CCDC192: variants seen among roughly 807,000 people sequenced by gnomAD.
The protein encoded by CCDC192 is coiled-coil domain-containing protein 192.
chr5:127,844,175 T>C lies in CCDC192; in HGVS notation c.412-31363T>C, dbSNP rs188686645. ...GGCATCTCATAAGACAGGAAAAATC[T>C]TGCAAGCCATCAGTAATTGAATATG... On this transcript the variant is annotated intron_variant, in intron 5 of 6. Coordinates refer to ENST00000514853, the MANE Select transcript of CCDC192 (RefSeq NM_001317938.2). Among the ~76,000 whole-genome samples the C allele has an allele frequency of 2.0e-5, 3 of 152,362 alleles. No homozygotes were observed. The East Asian group carries it at 5.8e-4, about 29-fold the overall frequency.
intron 6 of CCDC192, among the ~76,000 whole-genome samples, chr5:127,929,025 A>G (rs1025155392): frequency 3.3e-5 from 5 of 152,066 alleles, no homozygotes; most frequent in Non-Finnish European, 7.4e-5. Flanking sequence ...TCAGCCTCCC[A>G]AAGTGTTGGG....
At chr5:127,798,863 C>A (rs1034287259) in intron 5 of CCDC192, among the ~76,000 whole-genome samples, 1 of 152,014 alleles carries the variant, frequency 6.6e-6, no homozygotes, top group African/African-American at 2.4e-5. Flanking sequence ...CCATGAATTT[C>A]TATGGCAAAT....
chr5:127,830,774 A>C (rs942921679), intron 5 of CCDC192, among the ~76,000 whole-genome samples: 2 of 152,098 alleles, frequency 1.3e-5, no homozygotes, highest in African/African-American at 2.4e-5. Flanking sequence ...AAAAAAAAAA[A>C]AACAGGAAAG....
At chr5:127,712,504 C>A (rs1751395201) in intron 2 of CCDC192, among the ~76,000 whole-genome samples, 2 of 152,214 alleles carry the variant, frequency 1.3e-5, no homozygotes, top group South Asian at 4.1e-4. Context: ...TGGAAGCAGT[C>A]TGAGATCCTC....
At chr5:127,816,087 T>TA (rs1232599992) in intron 5 of CCDC192, among the ~76,000 whole-genome samples, 1 of 152,118 alleles carries the variant, frequency 6.6e-6, no homozygotes, top group Admixed American at 6.5e-5. Flanking sequence ...TAATATGTGT[T>TA]AGAGAAAAGT....
chr5:127,863,087 G>C (rs1751440141), intron 5 of CCDC192, among the ~76,000 whole-genome samples: 1 of 152,032 alleles, frequency 6.6e-6, no homozygotes, highest in Non-Finnish European at 1.5e-5. Flanking sequence ...GTGCCTCTTT[G>C]GCAACAAAAA....
At chr5:127,810,589 G>A (rs367708138) in intron 5 of CCDC192, among the ~76,000 whole-genome samples, 4 of 151,918 alleles carry the variant, frequency 2.6e-5, no homozygotes, top group African/African-American at 7.3e-5. Flanking sequence ...TCTTTCTGAT[G>A]GTCAAAATAA....
intron 2 of CCDC192, among the ~76,000 whole-genome samples, chr5:127,750,189 C>G (rs1754056290): frequency 9.2e-5 from 14 of 152,066 alleles, no homozygotes. Flanking sequence ...TTTTCTAGTT[C>G]TTTTAATTGT....
chr5:127,926,552 A>C (rs1299525913), intron 6 of CCDC192, among the ~76,000 whole-genome samples: 1 of 152,204 alleles, frequency 6.6e-6, no homozygotes, highest in Non-Finnish European at 1.5e-5. Context: ...GACAAACTTA[A>C]AAGGTATTTA....
intron 3 of CCDC192, among the ~76,000 whole-genome samples, chr5:127,771,845 G>A (rs117729538): frequency 2.0e-5 from 3 of 152,180 alleles, no homozygotes; most frequent in Non-Finnish European, 2.9e-5. Context: ...GGTGAATACA[G>A]CAGGGTTTTA....
At chr5:127,811,787 G>T (rs1296129582) in intron 5 of CCDC192, among the ~76,000 whole-genome samples, 1 of 152,092 alleles carries the variant, frequency 6.6e-6, no homozygotes, top group Admixed American at 6.6e-5. Context: ...ATACGTGATA[G>T]AGTCATTGGC....
At chr5:127,835,272 G>A (rs1749984156) in intron 5 of CCDC192, among the ~76,000 whole-genome samples, 1 of 152,122 alleles carries the variant, frequency 6.6e-6, no homozygotes, top group Non-Finnish European at 1.5e-5. Context: ...TTACACATCA[G>A]GAAACACTCC....
chr5:127,866,446 A>G (rs1037455622), intron 5 of CCDC192, among the ~76,000 whole-genome samples: 2 of 148,768 alleles, frequency 1.3e-5, no homozygotes, highest in African/African-American at 5.0e-5. Context: ...TGCCTCTACA[A>G]AACCATTTTT....
chr5:127,847,556 A>T (rs1242098934), intron 5 of CCDC192, among the ~76,000 whole-genome samples: 1 of 152,194 alleles, frequency 6.6e-6, no homozygotes, highest in African/African-American at 2.4e-5. Context: ...AAATAGCTAT[A>T]TGTCATTTTG....
chr5:127,800,676 T>TA (rs1441935995), intron 5 of CCDC192, among the ~76,000 whole-genome samples: 2 of 152,152 alleles, frequency 1.3e-5, no homozygotes. Flanking sequence ...TCATCTTCTG[T>TA]TATTATCTCT....
intron 5 of CCDC192, among the ~76,000 whole-genome samples, chr5:127,813,183 A>G (rs1472594688): frequency 2.0e-5 from 3 of 152,062 alleles, no homozygotes; most frequent in African/African-American, 7.2e-5. Context: ...CACCTTCCTC[A>G]TTGCGGGGGC....
chr5:127,738,844 CA>C (rs1753201289), intron 2 of CCDC192, among the ~76,000 whole-genome samples: 1 of 152,022 alleles, frequency 6.6e-6, no homozygotes, highest in Non-Finnish European at 1.5e-5. Flanking sequence ...AAATTTTTTT[CA>C]GTTTTCAACT....
At chr5:127,760,776 A>G (rs1247544630) in intron 3 of CCDC192, among the ~76,000 whole-genome samples, 4 of 151,002 alleles carry the variant, frequency 2.6e-5, no homozygotes, top group African/African-American at 7.3e-5. Flanking sequence ...GCCCCGTGTT[A>G]TAGTTTGCAG....
chr5:127,761,122 T>C (rs771496809), intron 3 of CCDC192, among the ~76,000 whole-genome samples: 23 of 152,216 alleles, frequency 1.5e-4, no homozygotes, highest in Admixed American at 1.4e-3. Flanking sequence ...ATTTGGGGCA[T>C]TTGTGGCTTT....
Sources: gnomAD v4.1 joint callset for allele counts (sites outside exome capture counted in the v4.1 genomes callset) on GRCh38, gnomAD v4.1.1 for gene constraint, MANE v1.5 for transcripts, NCBI Gene and HGNC (gene_info 2026-07-23, HGNC 2026-07-21) for gene names.